BMX: variants seen among roughly 807,000 people sequenced by gnomAD.
BMX encodes BMX non-receptor tyrosine kinase, also known as cytoplasmic tyrosine-protein kinase BMX.
BMX carries 31 observed loss-of-function variants against 59.2 expected under a neutral mutation model. That is an observed-to-expected ratio of 0.52 (90% CI 0.39 to 0.71). The LOEUF (loss-of-function observed/expected upper bound fraction) is 0.71, where lower values mean the gene tolerates loss of function less well. Among genes scored for constraint, BMX ranks in the 30% least tolerant of loss-of-function variants. The pLI is 0.00. For synonymous variants in BMX, 185 were observed against 181.0 expected, an observed-to-expected ratio of 1.02 and a Z score of -0.18; for missense variants, 474 against 491.7, an observed-to-expected ratio of 0.96 and a Z score of 0.34.
rs138592840 is a variant in BMX at position 15,555,500 on chromosome X, C to T, written c.1954-573C>T. On this transcript the variant is annotated intron_variant, in intron 18 of 18. Transcript: ENST00000348343. ...CTGGGATTACAGGCGTGAGCCACTG[C>T]GCCTGGCCAGGGATGCTTTTTTATA... 5.4e-3 allele frequency among the ~76,000 whole-genome samples: 601 copies of T among 110,995 alleles called. 5 individuals carry two copies. Among genetic ancestry groups the T allele is most frequent in the African/African-American group, 0.018 (537 of 30,484 alleles).
intron 1 of BMX, among the ~76,000 whole-genome samples, chrX:15,501,925 CT>C (rs762469708): frequency 6.3e-5 from 7 of 111,799 alleles, no homozygotes; most frequent in Admixed American, 4.7e-4. Context: ...TACCCAGGAG[CT>C]GGGGACAGAG....
At chrX:15,528,799 T>C (rs747498378) in intron 9 of BMX, among the ~76,000 whole-genome samples, 2 of 112,373 alleles carry the variant, frequency 1.8e-5, no homozygotes, top group Admixed American at 1.9e-4. Flanking sequence ...GTGGGAGGTA[T>C]AATGTATAGG....
chrX:15,533,614 C>A (rs12835175), intron 11 of BMX, among the ~76,000 whole-genome samples: 1 of 112,173 alleles, frequency 8.9e-6, no homozygotes. Context: ...TGTATTATTC[C>A]TGATTAGCTT....
At chrX:15,543,188 T>A (rs1028014266) in intron 16 of BMX, 53 bp downstream of exon 16, 2 of 1,109,564 alleles carry the variant, frequency 1.8e-6, no homozygotes, top group Non-Finnish European at 1.2e-6. Flanking sequence ...CATTCACATT[T>A]GAACACCATC....
chrX:15,536,985 G>T (rs958223852), intron 13 of BMX, 149 bp from the exon 14 acceptor site: 9 of 511,570 alleles, frequency 1.8e-5, no homozygotes, highest in Non-Finnish European at 2.4e-5. Flanking sequence ...ATCACTAAGG[G>T]TTTTTTTTTT....
chrX:15,555,201 C>CT (rs34118728), intron 18 of BMX, among the ~76,000 whole-genome samples: 15,687 of 41,244 alleles, frequency 0.38, 3,942 homozygotes, highest in Non-Finnish European at 0.42. Context: ...ACGAGGGAAG[C>CT]TTTTTTTTTT....
At chrX:15,518,526 A>G (rs920759145) in intron 6 of BMX, among the ~76,000 whole-genome samples, 1 of 112,114 alleles carries the variant, frequency 8.9e-6, no homozygotes, top group Non-Finnish European at 1.9e-5. Flanking sequence ...GTCATTCTCA[A>G]ATGATAAAAA....
chrX:15,505,634 G>A (rs1190794970), intron 1 of BMX, among the ~76,000 whole-genome samples: 1 of 112,210 alleles, frequency 8.9e-6, no homozygotes, highest in East Asian at 2.8e-4. Flanking sequence ...AGCAAAAAAT[G>A]TATAAAGGGC....
chrX:15,521,384 C>T (rs1490437863), intron 6 of BMX, among the ~76,000 whole-genome samples: 4 of 111,417 alleles, frequency 3.6e-5, no homozygotes, highest in Admixed American at 1.9e-4. Flanking sequence ...TTATATTTAC[C>T]GTCATCATTG....
Position 15,556,138 on chromosome X carries a change from C to T in BMX, c.2019C>T (p.Asp673=), listed in dbSNP as rs753134939. 7 of 1,205,377 alleles carry T rather than the reference C, an allele frequency of 5.8e-6. No homozygotes were observed. Among genetic ancestry groups the T allele is most frequent in the Non-Finnish European group, 5.6e-6 (5 of 892,453 alleles). The change falls in exon 19 of 19, where the codon GAC becomes GAT. Residue 673 remains aspartate (D), a synonymous_variant. Transcript: ENST00000348343. ...LSSIEPLREK[D]KH is the part of the protein sequence containing the mutation. Reference sequence around the variant, plus strand: ...CCATTGAACCACTTCGGGAAAAAGACAAGCATTGAAGAAGAAATTAGGAGT... The same window carrying T: ...CCATTGAACCACTTCGGGAAAAAGATAAGCATTGAAGAAGAAATTAGGAGT...
chrX:15,534,171 A>G (rs372349161), intron 11 of BMX, 41 bp from the exon 12 acceptor site: 1 of 1,081,110 alleles, frequency 9.2e-7, no homozygotes, highest in Non-Finnish European at 1.2e-6. Context: ...ATCAAGCTTT[A>G]TTGTTTATTT....
Position 15,531,343 on chromosome X carries a change from T to C in BMX, c.955T>C (p.Phe319Leu). 1 of 1,206,559 alleles carries C rather than the reference T, an allele frequency of 8.3e-7. No individual in the cohort carries two copies. The highest frequency in any genetic ancestry group is 1.1e-6 in the Non-Finnish European group (1 of 891,161). ...TCCTTTTCAGGGAAAAGAAGGAGCA[T>C]TTATGGTTAGAAATTCGAGCCAAGT... ...LLRQKGKEGA[F>L]MVRNSSQVGM... The change falls in exon 11 of 19, where the codon TTT becomes CTT. Residue 319 changes from phenylalanine to leucine, a missense_variant. Phe to Leu is a conservative substitution (Grantham distance 22, BLOSUM62 0). Coordinates refer to ENST00000348343, the MANE Select transcript of BMX (RefSeq NM_203281.3).
intron 16 of BMX, 136 bp downstream of exon 16, chrX:15,543,271 G>A: frequency 2.2e-6 from 1 of 463,093 alleles, no homozygotes. Context: ...CCCTCCCATG[G>A]GATTGTTCTT....
intron 3 of BMX, 22 bp downstream of exon 3, chrX:15,509,455 C>T: frequency 2.9e-6 from 3 of 1,049,052 alleles, no homozygotes; most frequent in Non-Finnish European, 2.6e-6. Flanking sequence ...AACGACATTG[C>T]ATTGGGTGGA....
chrX:15,510,862 T>A (rs1923926717), intron 3 of BMX, among the ~76,000 whole-genome samples: 1 of 112,218 alleles, frequency 8.9e-6, no homozygotes, highest in Non-Finnish European at 1.9e-5. Context: ...CGTTTAAACA[T>A]TTGTCTTAAG....
rs1409219021 is a variant in BMX, at chrX:15,517,942, T to C, written c.459T>C (p.His153=). The C allele has an allele frequency of 1.7e-6, 2 of 1,205,097 alleles. No individual in the cohort carries two copies. Among genetic ancestry groups the C allele is most frequent in the East Asian group, 5.9e-5 (2 of 33,701 alleles). The change falls in exon 6 of 19, where the codon CAT becomes CAC. Residue 153 remains histidine, a synonymous_variant. Coordinates refer to ENST00000348343, the MANE Select transcript of BMX (RefSeq NM_203281.3). Reference sequence around the variant, plus strand: ...TTTAATGTTCAGATGCTAATCTGCATACTGCAGTCAATGAAGAGAAACACA... The same window carrying C: ...TTTAATGTTCAGATGCTAATCTGCACACTGCAGTCAATGAAGAGAAACACA... ...CTLWEAYANL[H]TAVNEEKHRV... is the part of the protein sequence containing the mutation.
rs981271848 is a variant in BMX at position 15,510,909 on chromosome X, G to A, written c.244-528G>A. Among the ~76,000 whole-genome samples the A allele has an allele frequency of 8.9e-5, 10 of 112,091 alleles. 1 individual carries two copies. The Admixed American group carries it at 9.5e-4, about 11-fold the overall frequency. ...TATATATTCTGGAGATTCCTGGGGT[G>A]CCACATGATGAAATAGATGAAAGTA... is the stretch of plus-strand genomic sequence containing the variant. On this transcript the variant is annotated intron_variant, in intron 3 of 18. Transcript: ENST00000348343.
At position 15,542,171 on chromosome X, in the gene BMX, G is replaced by T. The variant is rs1925721674; in HGVS notation, c.1584G>T (p.Glu528Asp). Residue 528 changes from glutamate (E) to aspartate (D), a missense_variant, in exon 15 of 19, where the codon GAG (glutamate) becomes GAT (aspartate). Transcript: ENST00000348343. ...TCTGTGAAGGCATGGCCTTCTTGGA[G>T]AGTCACCAATTCATACACCGGGACT... ...YDVCEGMAFL[E>D]SHQFIHRDLA... The T allele has an allele frequency of 2.5e-6, 3 of 1,211,249 alleles. No homozygotes were observed. The highest frequency in any genetic ancestry group is 1.1e-6 in the Non-Finnish European group (1 of 895,210).
At position 15,553,204 on chromosome X, in the gene BMX, T is replaced by C. The variant is rs187502894; in HGVS notation, c.1954-2869T>C. On this transcript the variant is annotated intron_variant, in intron 18 of 18. Transcript: ENST00000348343. ...GGACCTTTGCCTCAATGTTAGCTAC[T>C]GGGATTGGCATATGTGTTCACAGGC... 1.9e-4 allele frequency among the ~76,000 whole-genome samples: 21 copies of C among 112,425 alleles called. No individual in the cohort carries two copies. The East Asian group carries it at 5.9e-3, about 31-fold the overall frequency.
Sources: gnomAD v4.1 joint callset for allele counts (sites outside exome capture counted in the v4.1 genomes callset) on GRCh38, gnomAD v4.1.1 for gene constraint, MANE v1.5 for transcripts, NCBI Gene and HGNC (gene_info 2026-07-23, HGNC 2026-07-21) for gene names.